Variants in CABP1 observed in about 807,000 individuals in gnomAD.
The protein encoded by CABP1 is calcium-binding protein 1.
Under a neutral mutation model 34.3 loss-of-function variants are expected in CABP1, and 17 were observed. The observed-to-expected ratio is 0.50, with a 90% CI of 0.34 to 0.74. The LOEUF (loss-of-function observed/expected upper bound fraction) is 0.74, where lower values mean the gene tolerates loss of function less well. CABP1 is among the 30% of genes least tolerant of loss of function. CABP1 has a pLI of 0.01. For synonymous variants in CABP1, 198 were observed against 229.2 expected (o/e 0.86, Z 1.23); for missense variants, 373 against 511.1 (o/e 0.73, Z 2.61).
chr12:120,672,126 C>T (rs1429996516), downstream of CABP1, among the ~76,000 whole-genome samples: 1 of 152,030 alleles, frequency 6.6e-6, no homozygotes, highest in Non-Finnish European at 1.5e-5. Flanking sequence ...GATGAGAGAA[C>T]ACAACACCAG....
rs751119261 is a variant in CABP1 at position 120,661,246 on chromosome 12, A to G, written c.1087+28A>G. 6 of 1,596,220 alleles carry G rather than the reference A, an allele frequency of 3.8e-6. No individual in the cohort carries two copies. Among genetic ancestry groups the G allele is most frequent in the Non-Finnish European group, 5.1e-6 (6 of 1,176,904 alleles). On this transcript the variant is annotated intron_variant, in intron 5 of 5. Coordinates refer to ENST00000316803, the MANE Select transcript of CABP1 (RefSeq NM_001033677.2). This position sits in a 1 kb window ranked among gnomAD's most constrained non-coding sequence, Gnocchi z 5.1. ...AGGTGGGGCTTGAAAGTGGGAGAGA[A>G]GCAAGCCAGCAGTGGCCATCCATGG...
chr12:120,649,082 G>C (rs773955069), intron 1 of CABP1, among the ~76,000 whole-genome samples: 5 of 150,656 alleles, frequency 3.3e-5, no homozygotes, highest in African/African-American at 4.9e-5. Context: ...TCCCCCTCCA[G>C]AGGTTTGGCC....
chr12:120,646,800 G>A (rs1210219503), intron 1 of CABP1, among the ~76,000 whole-genome samples: 1 of 152,162 alleles, frequency 6.6e-6, no homozygotes, highest in Non-Finnish European at 1.5e-5. Flanking sequence ...GGCATAAGCC[G>A]CCATACCCAG....
chr12:120,662,568 C>T (rs1453488247), intron 5 of CABP1, among the ~76,000 whole-genome samples: 1 of 151,632 alleles, frequency 6.6e-6, no homozygotes, highest in African/African-American at 2.4e-5. Context: ...ACCATGTTGA[C>T]CAGGCTAGTC....
intron 1 of CABP1, among the ~76,000 whole-genome samples, chr12:120,653,538 G>GT (rs1374049253): frequency 3.9e-5 from 6 of 151,930 alleles, no homozygotes; most frequent in Non-Finnish European, 7.4e-5. Context: ...TTTGTTTTTT[G>GT]TTTTTTTGTG....
the CABP1 span, among the ~76,000 whole-genome samples, chr12:120,677,154 C>A: frequency 7.0e-6 from 1 of 143,660 alleles, no homozygotes; most frequent in Non-Finnish European, 1.5e-5. Context: ...GTGGCATGAT[C>A]TCAGCTCACT....
chr12:120,664,030 C>A (rs958354979), intron 5 of CABP1, among the ~76,000 whole-genome samples: 1 of 152,188 alleles, frequency 6.6e-6, no homozygotes, highest in Non-Finnish European at 1.5e-5. Flanking sequence ...GGCCAGGGAG[C>A]GTGGATAGTT....
the CABP1 span, among the ~76,000 whole-genome samples, chr12:120,677,009 G>A: frequency 6.6e-6 from 1 of 152,010 alleles, no homozygotes; most frequent in Non-Finnish European, 1.5e-5. Context: ...ATCAGTTAAG[G>A]CCAGGAGTTT....
In CABP1 at chr12:120,659,891, G is replaced by A; in HGVS notation, c.668G>A (p.Arg223Gln). Residue 223 changes from arginine to glutamine, a missense_variant, in exon 2 of 6, where the codon CGA (arginine) becomes CAA (glutamine). By Grantham distance (43) the Arg-to-Gln change is conservative. Around this residue, in one of 4 missense-constraint regions of CABP1, gnomAD observed 109 missense variants for 204.8 expected, o/e 0.53. Transcript: ENST00000316803. ...SSAFGQDRSLRPEEIEELREA... is the reference protein window; with the variant it reads ...SSAFGQDRSLQPEEIEELREA... ...CTTTTGTTTCAGGATAGATCACTGCGACCAGAGGAAATTGAAGGTAAAACT... is the reference window on the plus strand; with the variant it reads ...CTTTTGTTTCAGGATAGATCACTGCAACCAGAGGAAATTGAAGGTAAAACT... 1.9e-6 allele frequency: 3 copies of A among 1,613,944 alleles called. No individual in the cohort carries two copies. The highest frequency in any genetic ancestry group is 2.5e-6 in the Non-Finnish European group (3 of 1,179,982).
In CABP1 at chr12:120,641,293, C is replaced by A; in HGVS notation, c.608C>A (p.Pro203Gln). Residue 203 changes from proline to glutamine, a missense_variant, in exon 1 of 6, where the codon CCG becomes CAG. By Grantham distance (76) the Pro-to-Gln change is moderately conservative. Coordinates refer to ENST00000316803, the MANE Select transcript of CABP1 (RefSeq NM_001033677.2). The surrounding 1 kb of genome is among the most constrained non-coding windows in gnomAD (Gnocchi z 6.7). The part of the protein sequence containing the change: ...SVPAAASEAD[P>Q]FLHRLRPMLS... ...CCAGCCGCCGCGTCCGAGGCGGACC[C>A]GTTCCTCCACCGGCTGCGCCCCATG... is the stretch of plus-strand genomic sequence containing the variant. 7.5e-7 allele frequency: 1 copy of A among 1,328,238 alleles called. No individual in the cohort carries two copies. Among genetic ancestry groups the A allele is most frequent in the Non-Finnish European group, 9.6e-7 (1 of 1,040,718 alleles). 82.3% of individuals were successfully genotyped at this position (1,328,238 alleles called of 1,614,324 possible). A position where few individuals can be genotyped will look rare whatever the true frequency, so the allele number is the denominator to read the frequency against.
downstream of CABP1, among the ~76,000 whole-genome samples, chr12:120,668,445 C>T (rs1455408499): frequency 2.0e-5 from 3 of 152,170 alleles, no homozygotes; most frequent in Non-Finnish European, 2.9e-5. Flanking sequence ...CACTGGGTGA[C>T]GGAGCGAGAC....
At position 120,660,653 on chromosome 12, in the gene CABP1, G is replaced by A; in HGVS notation, c.830-78G>A. The A allele has an allele frequency of 2.1e-6, 2 of 974,874 alleles. No individual in the cohort carries two copies. The highest frequency in any genetic ancestry group is 3.3e-6 in the Non-Finnish European group (2 of 602,220). The allele number at this position is 974,874 out of a possible 1,614,324, so 60.4% of individuals were successfully genotyped here. A position where few individuals can be genotyped will look rare whatever the true frequency, so the allele number is the denominator to read the frequency against. On this transcript the variant is annotated intron_variant, in intron 3 of 5. Coordinates refer to ENST00000316803, the MANE Select transcript of CABP1 (RefSeq NM_001033677.2). The surrounding 1 kb of genome is among the most constrained non-coding windows in gnomAD (Gnocchi z 5.0). ...CTGATGAGCAGGTCAAGGAGGGGTTGTCCATTCTGTCAGTTGTCTAGTTGG... is the reference window on the plus strand; with the variant it reads ...CTGATGAGCAGGTCAAGGAGGGGTTATCCATTCTGTCAGTTGTCTAGTTGG...
At chr12:120,654,980 A>G (rs960271201) in intron 1 of CABP1, among the ~76,000 whole-genome samples, 3 of 152,184 alleles carry the variant, frequency 2.0e-5, no homozygotes, top group African/African-American at 7.2e-5. Flanking sequence ...AGGGAGGAAA[A>G]GGAGAACTGG....
intron 1 of CABP1, chr12:120,650,377 C>T: frequency 2.1e-6 from 2 of 963,076 alleles, no homozygotes; most frequent in South Asian, 3.6e-5. Context: ...GCTTTCATCT[C>T]CTTAAGAAAG....
chr12:120,641,685 A>C lies in CABP1; in HGVS notation c.654+346A>C. ...GGGCGCTCCGAGCAGGTGGCGCCAA[A>C]CCCACTCCTCTGGCCTCTGGCCAGT... On this transcript the variant is annotated intron_variant, in intron 1 of 5. Coordinates refer to ENST00000316803, the MANE Select transcript of CABP1 (RefSeq NM_001033677.2). The surrounding 1 kb of genome is among the most constrained non-coding windows in gnomAD (Gnocchi z 6.7). 3 of 210,834 alleles carry C rather than the reference A, an allele frequency of 1.4e-5. No individual in the cohort carries two copies. The highest frequency in any genetic ancestry group is 9.6e-5 in the East Asian group (1 of 10,366). The allele number at this position is 210,834 out of a possible 1,614,324, so 13.1% of individuals were successfully genotyped here.
At chr12:120,673,035 A>G in the CABP1 span, among the ~76,000 whole-genome samples, 1 of 152,154 alleles carries the variant, frequency 6.6e-6, no homozygotes, top group Non-Finnish European at 1.5e-5. Flanking sequence ...ATTGCAAAAA[A>G]GAAAAAAAGA....
intron 1 of CABP1, among the ~76,000 whole-genome samples, chr12:120,651,334 G>A (rs936306638): frequency 4.6e-5 from 7 of 152,198 alleles, no homozygotes; most frequent in Non-Finnish European, 7.3e-5. Context: ...ACTTTCTGTG[G>A]TGGCTTTATC....
At chr12:120,651,338 C>T (rs1236319991) in intron 1 of CABP1, among the ~76,000 whole-genome samples, 1 of 152,140 alleles carries the variant, frequency 6.6e-6, no homozygotes. Flanking sequence ...TCTGTGGTGG[C>T]TTTATCGCCA....
intron 5 of CABP1, 83 bp from the exon 6 acceptor site, chr12:120,666,792 G>C (rs1169239486): frequency 2.7e-6 from 4 of 1,458,284 alleles, no homozygotes; most frequent in Non-Finnish European, 9.4e-7. Context: ...TGGGGCAGTG[G>C]CAACAGGGTG....
Sources: allele counts gnomAD v4.1 joint callset (sites outside exome capture counted in the v4.1 genomes callset), GRCh38; gene constraint gnomAD v4.1.1; regional missense constraint gnomAD v4.1.1; non-coding constraint Gnocchi (gnomAD v3.1); transcripts MANE v1.5; gene names NCBI Gene and HGNC (gene_info 2026-07-23, HGNC 2026-07-21).